Variants in CHD7 observed in about 807,000 individuals in gnomAD.
CHD7 encodes the protein ATP-dependent chromatin remodeler CHD7.
CHD7 carries 24 observed loss-of-function variants against 307.3 expected under a neutral mutation model. The observed-to-expected ratio is 0.08, with a 90% CI of 0.06 to 0.11. The LOEUF is 0.11. Ranked by LOEUF, CHD7 falls within the 10% of genes least tolerant of loss-of-function variation. CHD7 has a pLI of 1.00. For missense variants in CHD7, 3,106 were observed against 3,727.1 expected (o/e 0.83, Z 4.34); for synonymous variants, 1,363 against 1,349.9 (o/e 1.01, Z -0.21).
Position 60,678,779 on chromosome 8 carries a change from G to GGCGGCGGCGGCGGCGGCGGCA in CHD7, c.-467_-466insGGCGGCGGCAGCGGCGGCGGC, listed in dbSNP as rs1279041099. 1.4e-5 allele frequency: 2 copies of GGCGGCGGCGGCGGCGGCGGCA among 142,176 alleles called. No individual in the cohort carries two copies. The highest frequency in any genetic ancestry group is 1.4e-4 in the Admixed American group (2 of 14,288). The allele number at this position is 142,176 out of a possible 1,614,324, so 8.8% of individuals were successfully genotyped here. A position where few individuals can be genotyped will look rare whatever the true frequency, so the allele number is the denominator to read the frequency against. On this transcript the variant is annotated 5_prime_UTR_variant, in exon 1 of 38. Coordinates refer to ENST00000423902, the MANE Select transcript of CHD7 (RefSeq NM_017780.4). ...GTGCTGGGGCCGCGGCGGCGGCGGCGGCGGCGGCGGCAGCGGCGGCGGCGG... is the reference window on the plus strand; with the variant it reads ...GTGCTGGGGCCGCGGCGGCGGCGGCGGCGGCGGCGGCGGCGGCGGCAGCGGCGGCGGCAGCGGCGGCGGCGG...
At chr8:60,698,624 G>A (rs16926407) in intron 1 of CHD7, among the ~76,000 whole-genome samples, 100,303 of 152,002 alleles carry the variant, frequency 0.66, 35,234 homozygotes, top group East Asian at 0.93. Flanking sequence ...CTTCCTCAAT[G>A]CCTGGCATAT....
intron 1 of CHD7, among the ~76,000 whole-genome samples, chr8:60,691,005 C>T (rs1037500866): frequency 2.0e-5 from 3 of 152,046 alleles, no homozygotes; most frequent in Admixed American, 6.6e-5. Flanking sequence ...GCTCACTGCC[C>T]ACCTCCACCT....
chr8:60,803,846 T>G (rs1434977466), intron 6 of CHD7, among the ~76,000 whole-genome samples: 1 of 152,226 alleles, frequency 6.6e-6, no homozygotes, highest in Non-Finnish European at 1.5e-5. Context: ...TTTTGTGGAT[T>G]CAATCTATGC....
chr8:60,774,684 G>T (rs187736686), intron 2 of CHD7, among the ~76,000 whole-genome samples: 169 of 152,360 alleles, frequency 1.1e-3, no homozygotes, highest in Middle Eastern at 0.01. Context: ...AAGGGCAGTG[G>T]TGGGTATGGC....
intron 1 of CHD7, among the ~76,000 whole-genome samples, chr8:60,728,060 C>T (rs1808260328): frequency 6.6e-6 from 1 of 152,222 alleles, no homozygotes; most frequent in Admixed American, 6.5e-5. Flanking sequence ...TTCCAGGCTC[C>T]AGTCTTGTAC....
At chr8:60,794,625 G>A (rs909860113) in intron 3 of CHD7, among the ~76,000 whole-genome samples, 2 of 151,920 alleles carry the variant, frequency 1.3e-5, no homozygotes, top group African/African-American at 4.8e-5. Flanking sequence ...TCATGATATC[G>A]TTTTTCATGA....
chr8:60,802,074 GTGAAA>G (rs1188287873), intron 6 of CHD7, among the ~76,000 whole-genome samples: 2 of 152,102 alleles, frequency 1.3e-5, no homozygotes, highest in African/African-American at 4.8e-5. Context: ...CAGTGCAAAG[GTGAAA>G]TACAGGTCTA....
chr8:60,776,592 C>G (rs760308304), intron 2 of CHD7, among the ~76,000 whole-genome samples: 3 of 152,180 alleles, frequency 2.0e-5, no homozygotes, highest in South Asian at 2.1e-4. Flanking sequence ...GCACTCTTTC[C>G]CAGCAGGTAC....
chr8:60,816,242 G>A (rs1282812716), intron 7 of CHD7, 145 bp from the exon 8 acceptor site: 1 of 573,034 alleles, frequency 1.7e-6, no homozygotes, highest in African/African-American at 1.9e-5. Context: ...AAACAGTGGT[G>A]GGTATATTAA....
At chr8:60,858,386 T>A (rs566873411) in intron 34 of CHD7, among the ~76,000 whole-genome samples, 1 of 152,364 alleles carries the variant, frequency 6.6e-6, no homozygotes, top group African/African-American at 2.4e-5. Context: ...TAGCTGTGAC[T>A]TACATGTTTT....
At chr8:60,710,482 C>A (rs1807233656) in intron 1 of CHD7, among the ~76,000 whole-genome samples, 1 of 152,100 alleles carries the variant, frequency 6.6e-6, no homozygotes, top group Non-Finnish European at 1.5e-5. Flanking sequence ...TGGTAAATTG[C>A]CTTTCTAACG....
chr8:60,698,563 C>CA (rs1474429729), intron 1 of CHD7, among the ~76,000 whole-genome samples: 4 of 152,166 alleles, frequency 2.6e-5, no homozygotes, highest in Non-Finnish European at 4.4e-5. Flanking sequence ...GGATCTTGGG[C>CA]AGATAACCTG....
chr8:60,792,432 T>G (rs1811820461), intron 3 of CHD7, among the ~76,000 whole-genome samples: 1 of 152,184 alleles, frequency 6.6e-6, no homozygotes, highest in Non-Finnish European at 1.5e-5. Flanking sequence ...TTCTTTGATT[T>G]GTATATTGAT....
intron 1 of CHD7, among the ~76,000 whole-genome samples, chr8:60,695,129 G>A (rs182854684): frequency 7.2e-5 from 11 of 152,208 alleles, no homozygotes; most frequent in African/African-American, 2.4e-4. Flanking sequence ...GCCTCCTTTC[G>A]AGAGAAGTAA....
chr8:60,765,328 A>C (rs1810423595), intron 2 of CHD7, among the ~76,000 whole-genome samples: 1 of 152,028 alleles, frequency 6.6e-6, no homozygotes, highest in East Asian at 1.9e-4. Flanking sequence ...ATTTATATAC[A>C]TGCATACACA....
chr8:60,727,039 CGTT>C (rs1280829015), intron 1 of CHD7, among the ~76,000 whole-genome samples: 4 of 152,264 alleles, frequency 2.6e-5, no homozygotes, highest in Admixed American at 2.0e-4. Flanking sequence ...AAGTGGCAGA[CGTT>C]GTAAATGCTT....
At position 60,791,308 on chromosome 8, in the gene CHD7, A is replaced by G. The variant is rs527283596; in HGVS notation, c.2097-3678A>G. Among the ~76,000 whole-genome samples, 109 of 152,294 alleles carry G rather than the reference A, an allele frequency of 7.2e-4. 1 individual carries two copies. The highest frequency in any genetic ancestry group is 2.5e-3 in the African/African-American group (103 of 41,556). ...TACAGGTGTTCCCTGCACATGGCCTAGTTATTCTTCCAACTCACAGGCTGC... is the reference window on the plus strand; with the variant it reads ...TACAGGTGTTCCCTGCACATGGCCTGGTTATTCTTCCAACTCACAGGCTGC... On this transcript the variant is annotated intron_variant, in intron 3 of 37. Transcript: ENST00000423902.
chr8:60,828,892 T>C (rs1385414559), intron 14 of CHD7, 86 bp downstream of exon 14: 1 of 1,274,194 alleles, frequency 7.8e-7, no homozygotes, highest in Non-Finnish European at 1.1e-6. Flanking sequence ...TTTTAAAGTG[T>C]GATTATATTA....
intron 2 of CHD7, among the ~76,000 whole-genome samples, chr8:60,779,370 G>A (rs575939223): frequency 6.6e-6 from 1 of 152,224 alleles, no homozygotes; most frequent in Non-Finnish European, 1.5e-5. Flanking sequence ...TGTAGAAGAT[G>A]TTAGGAAGAG....
Sources: gnomAD v4.1 joint callset for allele counts (sites outside exome capture counted in the v4.1 genomes callset) on GRCh38, gnomAD v4.1.1 for gene constraint, MANE v1.5 for transcripts, NCBI Gene and HGNC (gene_info 2026-07-23, HGNC 2026-07-21) for gene names.